The following GDPD1 variants were observed in gnomAD, a reference collection of about 807,000 sequenced individuals.
GDPD1 encodes the protein glycerophosphodiester phosphodiesterase domain containing 1, also known as lysophospholipase D GDPD1.
In GDPD1, 28 loss-of-function variants were observed where a neutral mutation model predicts 45.1. The ratio of observed to expected loss-of-function variants is 0.62; its 90% confidence interval spans 0.46 to 0.85. The LOEUF is 0.85. Among genes scored for constraint, GDPD1 ranks in the 40% least tolerant of loss-of-function variants. The pLI is 0.00. For synonymous variants in GDPD1, 139 were observed against 131.4 expected, an observed-to-expected ratio of 1.06 and a Z score of -0.40; for missense variants, 256 against 364.8, an observed-to-expected ratio of 0.70 and a Z score of 2.43.
At chr17:59,261,546 G>A (rs2047355606) in intron 6 of GDPD1, among the ~76,000 whole-genome samples, 1 of 151,806 alleles carries the variant, frequency 6.6e-6, no homozygotes, top group East Asian at 1.9e-4. Flanking sequence ...ACTGAGGCTG[G>A]AGTGCAGTGG....
At chr17:59,270,821 T>G (rs2147908712) in intron 7 of GDPD1, 115 bp from the exon 8 acceptor site, 1 of 615,274 alleles carries the variant, frequency 1.6e-6, no homozygotes, top group Non-Finnish European at 2.8e-6. Flanking sequence ...TACAAATATT[T>G]TTTGAGAATA....
chr17:59,222,505 C>CTTTTTTTTT lies in GDPD1; in HGVS notation c.142+1772_142+1780dup, dbSNP rs149536097. On this transcript the variant is annotated intron_variant, in intron 1 of 9. Transcript: ENST00000284116. ...ACAGGCGTGAGCCACAGTGCCCAGC[C>CTTTTTTTTT]TTTTTTTTTTTTTTTTTTTTTTTTT... Among the ~76,000 whole-genome samples the CTTTTTTTTT allele has an allele frequency of 7.2e-4, 30 of 41,740 alleles. 1 individual carries two copies. The highest frequency in any genetic ancestry group is 2.3e-3 in the African/African-American group (26 of 11,124). 27.4% of individuals were successfully genotyped at this position (41,740 alleles called of 152,430 possible).
chr17:59,249,594 C>G (rs1245174161), intron 4 of GDPD1, among the ~76,000 whole-genome samples: 3 of 152,108 alleles, frequency 2.0e-5, no homozygotes, highest in Non-Finnish European at 4.4e-5. Flanking sequence ...CTGTTTTCTT[C>G]TGAGGGAACA....
intron 6 of GDPD1, among the ~76,000 whole-genome samples, chr17:59,266,621 T>C (rs1344302522): frequency 6.6e-6 from 1 of 152,168 alleles, no homozygotes; most frequent in Non-Finnish European, 1.5e-5. Context: ...ACAGTATTGA[T>C]ATGTATCTAT....
chr17:59,263,358 A>G (rs1770936893), intron 6 of GDPD1, among the ~76,000 whole-genome samples: 1 of 152,000 alleles, frequency 6.6e-6, no homozygotes, highest in African/African-American at 2.4e-5. Flanking sequence ...GTAATCATAG[A>G]ACTTTTCCCT....
intron 4 of GDPD1, among the ~76,000 whole-genome samples, chr17:59,253,458 C>CTTCCAAAGTCTTCCCACCTCAGT (rs2047271531): frequency 6.6e-6 from 1 of 151,884 alleles, no homozygotes; most frequent in African/African-American, 2.4e-5. Context: ...CCCACCTCAG[C>CTTCCAAAGTCTTCCCACCTCAGT]CTTCCAAAGT....
chr17:59,221,013 C>T (rs755829045), intron 1 of GDPD1, among the ~76,000 whole-genome samples: 14 of 151,506 alleles, frequency 9.2e-5, no homozygotes, highest in Non-Finnish European at 1.8e-4. Flanking sequence ...GGGAAAGACA[C>T]GGTCGAGAAT....
At chr17:59,269,473 C>T (rs2047427537) in intron 7 of GDPD1, among the ~76,000 whole-genome samples, 1 of 136,232 alleles carries the variant, frequency 7.3e-6, no homozygotes, top group Non-Finnish European at 1.5e-5. Context: ...CGCTTCTTGT[C>T]TACCCCCCCC....
intron 4 of GDPD1, among the ~76,000 whole-genome samples, chr17:59,255,802 T>TATACACAC (rs201904592): frequency 5.4e-5 from 5 of 92,752 alleles, no homozygotes; most frequent in Admixed American, 2.4e-4. Context: ...TATATGTATA[T>TATACACAC]ATATATATAC....
intron 1 of GDPD1, among the ~76,000 whole-genome samples, chr17:59,234,113 C>T (rs888783652): frequency 1.3e-5 from 2 of 151,710 alleles, no homozygotes; most frequent in African/African-American, 4.8e-5. Flanking sequence ...TTTGGGAGGC[C>T]GAGATGGACA....
intron 1 of GDPD1, 124 bp from the exon 2 acceptor site, chr17:59,234,367 AC>A (rs2047115040): frequency 1.6e-6 from 1 of 635,540 alleles, no homozygotes; most frequent in Non-Finnish European, 2.8e-6. Flanking sequence ...ACCCAAAAAA[AC>A]ACTTGTAATG....
intron 7 of GDPD1, among the ~76,000 whole-genome samples, chr17:59,269,966 A>C (rs552395765): frequency 2.0e-5 from 3 of 152,304 alleles, no homozygotes; most frequent in African/African-American, 7.2e-5. Context: ...AACTCCACAG[A>C]ATTAATATTT....
chr17:59,252,662 C>T (rs113661860), intron 4 of GDPD1, among the ~76,000 whole-genome samples: 1,690 of 152,060 alleles, frequency 0.011, 38 homozygotes, highest in African/African-American at 0.038. Context: ...CGTGCCACTG[C>T]ACTCCAGCCT....
chr17:59,241,950 G>A (rs1166833550), intron 2 of GDPD1, among the ~76,000 whole-genome samples: 2 of 152,042 alleles, frequency 1.3e-5, no homozygotes, highest in Non-Finnish European at 2.9e-5. Context: ...ATAAAAGGAT[G>A]CTCAGTGTTT....
chr17:59,232,465 AT>A (rs949099752), intron 1 of GDPD1, among the ~76,000 whole-genome samples: 1 of 151,982 alleles, frequency 6.6e-6, no homozygotes, highest in African/African-American at 2.4e-5. Flanking sequence ...AAAAAAAAAA[AT>A]TTGTCAGTAC....
At chr17:59,249,960 G>A (rs945173578) in intron 4 of GDPD1, among the ~76,000 whole-genome samples, 1 of 152,038 alleles carries the variant, frequency 6.6e-6, no homozygotes, top group Non-Finnish European at 1.5e-5. Flanking sequence ...TGAGTTGGGA[G>A]GCTCATTTGA....
At chr17:59,272,200 C>A (rs915574280) in intron 8 of GDPD1, among the ~76,000 whole-genome samples, 41 of 152,098 alleles carry the variant, frequency 2.7e-4, no homozygotes, top group Admixed American at 2.7e-3. Context: ...GAAATAATGT[C>A]TTTCCAGTGC....
At chr17:59,261,046 A>G (rs1217346566) in intron 6 of GDPD1, among the ~76,000 whole-genome samples, 2 of 152,060 alleles carry the variant, frequency 1.3e-5, no homozygotes, top group South Asian at 4.2e-4. Flanking sequence ...GCTCACTGCA[A>G]CCTCTGTCTC....
intron 4 of GDPD1, among the ~76,000 whole-genome samples, chr17:59,256,865 T>G (rs2047313401): frequency 6.6e-6 from 1 of 152,168 alleles, no homozygotes. Flanking sequence ...TATTTTTATG[T>G]GAAAATATCA....
Sources: gnomAD v4.1 joint callset for allele counts (sites outside exome capture counted in the v4.1 genomes callset) on GRCh38, gnomAD v4.1.1 for gene constraint, MANE v1.5 for transcripts, NCBI Gene and HGNC (gene_info 2026-07-23, HGNC 2026-07-21) for gene names.